Variants in USP34 observed in about 807,000 individuals in gnomAD.
The protein encoded by USP34 is ubiquitin specific peptidase 34.
Under a neutral mutation model 460.3 loss-of-function variants are expected in USP34, and 70 were observed. That is an observed-to-expected ratio of 0.15 (90% CI 0.13 to 0.19). The LOEUF (loss-of-function observed/expected upper bound fraction) is 0.19. USP34 is among the 10% of genes least tolerant of loss of function. USP34 has a pLI of 1.00. For missense variants in USP34, 3,985 were observed against 4,236.2 expected (o/e 0.94, Z 1.65); for synonymous variants, 1,647 against 1,405.3 (o/e 1.17, Z -3.85).
Position 61,220,295 on chromosome 2 carries a change from A to G in USP34, c.8047+15T>C. The G allele has an allele frequency of 6.3e-7, 1 of 1,591,816 alleles. No homozygotes were observed. The highest frequency in any genetic ancestry group is 8.5e-7 in the Non-Finnish European group (1 of 1,172,388). ...ATAAATAAATGGTTTATGAAATTCT[A>G]AATATTTGACTTACAAGTCCTCACT... On this transcript the variant is annotated intron_variant, in intron 67 of 79. Coordinates refer to ENST00000398571, the MANE Select transcript of USP34 (RefSeq NM_014709.4).
At chr2:61,221,199 C>G (rs930657320) in intron 66 of USP34, among the ~76,000 whole-genome samples, 7 of 152,190 alleles carry the variant, frequency 4.6e-5, no homozygotes, top group Non-Finnish European at 7.4e-5. Flanking sequence ...GGTGCTTCCT[C>G]TACCATTTCT....
chr2:61,387,477 A>C (rs1223160716), intron 5 of USP34, among the ~76,000 whole-genome samples: 1 of 150,636 alleles, frequency 6.6e-6, no homozygotes, highest in Non-Finnish European at 1.5e-5. Context: ...AAAAACAACA[A>C]CAAAAGTGTG....
intron 72 of USP34, among the ~76,000 whole-genome samples, chr2:61,205,700 G>T (rs1687099856): frequency 6.6e-6 from 1 of 152,156 alleles, no homozygotes; most frequent in South Asian, 2.1e-4. Context: ...TAGAATGTCA[G>T]TTCTACCTTG....
chr2:61,409,712 T>G (rs1285820127), intron 2 of USP34, among the ~76,000 whole-genome samples: 1 of 152,066 alleles, frequency 6.6e-6, no homozygotes, highest in African/African-American at 2.4e-5. Flanking sequence ...AGACTCCATC[T>G]CAAAAAGTAA....
chr2:61,418,488 G>A (rs573383040), intron 2 of USP34, among the ~76,000 whole-genome samples: 1 of 152,146 alleles, frequency 6.6e-6, no homozygotes, highest in African/African-American at 2.4e-5. Flanking sequence ...TTTCCCTCTA[G>A]GAAACTTATA....
Position 61,348,902 on chromosome 2 carries a change from T to G in USP34, c.1544-16A>C, listed in dbSNP as rs1691852777. On this transcript the variant is annotated splice_polypyrimidine_tract_variant and intron_variant, in intron 13 of 79. Transcript: ENST00000398571. ...GCAGGTGACCCTATATAAAATACAT[T>G]TTTTGTTTTTACTTCTAATTTATAT... is the stretch of plus-strand genomic sequence containing the variant. 1.9e-6 allele frequency: 3 copies of G among 1,588,236 alleles called. No individual in the cohort carries two copies. In the African/African-American group the frequency reaches 4.1e-5, roughly 22 times the overall value.
At chr2:61,437,304 GAC>G (rs980999248) in intron 1 of USP34, among the ~76,000 whole-genome samples, 2 of 151,974 alleles carry the variant, frequency 1.3e-5, no homozygotes, top group African/African-American at 4.8e-5. Flanking sequence ...GGAAAAAAGA[GAC>G]AAGACCCAAA....
chr2:61,296,420 T>C (rs996660826), intron 30 of USP34, among the ~76,000 whole-genome samples: 1 of 152,234 alleles, frequency 6.6e-6, no homozygotes, highest in African/African-American at 2.4e-5. Flanking sequence ...TCAGTTAATT[T>C]GTATAAGCAC....
chr2:61,228,157 G>C (rs557511310), intron 61 of USP34, among the ~76,000 whole-genome samples: 5 of 152,286 alleles, frequency 3.3e-5, no homozygotes, highest in Admixed American at 2.0e-4. Context: ...GAGATATAAA[G>C]GGTACTTATC....
chr2:61,250,923 G>C (rs1313565623), intron 48 of USP34, among the ~76,000 whole-genome samples: 2 of 152,184 alleles, frequency 1.3e-5, no homozygotes, highest in African/African-American at 2.4e-5. Context: ...CGGATCATGA[G>C]GTCAGGAGAT....
chr2:61,315,805 A>T (rs1287143824), intron 23 of USP34, among the ~76,000 whole-genome samples: 1 of 152,200 alleles, frequency 6.6e-6, no homozygotes, highest in Non-Finnish European at 1.5e-5. Context: ...CTAAATTGGC[A>T]GCTAAACAAC....
At chr2:61,264,307 A>G (rs1014447882) in intron 43 of USP34, among the ~76,000 whole-genome samples, 5 of 152,222 alleles carry the variant, frequency 3.3e-5, no homozygotes, top group African/African-American at 1.2e-4. Flanking sequence ...AAGCACTGCA[A>G]TACTTAACAG....
chr2:61,327,990 C>T (rs1269830535), intron 20 of USP34, among the ~76,000 whole-genome samples: 1 of 152,194 alleles, frequency 6.6e-6, no homozygotes, highest in African/African-American at 2.4e-5. Context: ...TCAGGAAACA[C>T]GTAATATGTC....
intron 49 of USP34, among the ~76,000 whole-genome samples, chr2:61,247,318 T>C (rs1371644852): frequency 2.6e-5 from 4 of 152,054 alleles, no homozygotes; most frequent in Non-Finnish European, 5.9e-5. Context: ...GATAATTAGG[T>C]CAGTAAGAGA....
At chr2:61,254,938 C>T (rs1002077123) in intron 48 of USP34, among the ~76,000 whole-genome samples, 3 of 152,162 alleles carry the variant, frequency 2.0e-5, no homozygotes, top group African/African-American at 7.2e-5. Context: ...AGCTACCTCC[C>T]AGCCTCAAGT....
intron 1 of USP34, among the ~76,000 whole-genome samples, chr2:61,421,797 A>ACACACGCG (rs1553387593): frequency 2.0e-5 from 3 of 147,396 alleles, no homozygotes; most frequent in Middle Eastern, 3.6e-3. Context: ...ACACACACAC[A>ACACACGCG]CGCGCGCGCG....
intron 1 of USP34, among the ~76,000 whole-genome samples, chr2:61,458,352 G>A (rs1695497178): frequency 6.6e-6 from 1 of 151,784 alleles, no homozygotes; most frequent in African/African-American, 2.4e-5. Context: ...CCTGAGGTCA[G>A]GAGTTCAAGA....
intron 38 of USP34, 78 bp from the exon 39 acceptor site, chr2:61,280,426 T>A (rs1253019265): frequency 3.0e-6 from 2 of 675,968 alleles, no homozygotes; most frequent in Non-Finnish European, 2.2e-6. Flanking sequence ...AACTAGAGGC[T>A]TTATGAAATA....
In USP34 at chr2:61,406,125, T is replaced by G; in HGVS notation, c.135A>C (p.Gln45His). Residue 45 changes from glutamine to histidine, a missense_variant, in exon 3 of 80, where the codon CAA becomes CAC. Physicochemically the swap from Gln to His is conservative, Grantham distance 24 (BLOSUM62 0). Coordinates refer to ENST00000398571, the MANE Select transcript of USP34 (RefSeq NM_014709.4). ...TATATTCCTTGAAGCAGCATAGACA[T>G]TGCCTATAAGAGAAAAAAAATTGAA... ...FTYINSWTQRQCLCCFKEYKH... is the reference protein window; with the variant it reads ...FTYINSWTQRHCLCCFKEYKH... 1 of 1,580,208 alleles carries G rather than the reference T, an allele frequency of 6.3e-7. No homozygotes were observed. The highest frequency in any genetic ancestry group is 2.2e-5 in the East Asian group (1 of 44,508).
Sources: gnomAD v4.1 joint callset for allele counts (sites outside exome capture counted in the v4.1 genomes callset) on GRCh38, gnomAD v4.1.1 for gene constraint, MANE v1.5 for transcripts, NCBI Gene and HGNC (gene_info 2026-07-23, HGNC 2026-07-21) for gene names.